Variants in FRMD4A observed in about 807,000 individuals in gnomAD.
FRMD4A encodes FERM domain containing 4A.
A neutral mutation model predicts 129.1 loss-of-function variants in FRMD4A; 29 were observed. The observed-to-expected ratio is 0.22, with a 90% CI of 0.17 to 0.31. The LOEUF (loss-of-function observed/expected upper bound fraction) is 0.31. Ranked by LOEUF, FRMD4A falls within the 10% of genes least tolerant of loss-of-function variation. FRMD4A has a pLI of 1.00. For missense variants in FRMD4A, 1,272 were observed against 1,375.8 expected, an observed-to-expected ratio of 0.92 and a Z score of 1.19; for synonymous variants, 634 against 571.6, an observed-to-expected ratio of 1.11 and a Z score of -1.56.
At chr10:13,666,911 CTTTTTTTT>C (rs10546068) in intron 17 of FRMD4A, among the ~76,000 whole-genome samples, 15 of 114,376 alleles carry the variant, frequency 1.3e-4, no homozygotes, top group Non-Finnish European at 2.4e-4. Flanking sequence ...CTTTTCTTTT[CTTTTTTTT>C]TTTTTTTTTT....
intron 2 of FRMD4A, among the ~76,000 whole-genome samples, chr10:14,170,623 T>G (rs1841425927): frequency 6.6e-6 from 1 of 152,186 alleles, no homozygotes; most frequent in African/African-American, 2.4e-5. Flanking sequence ...AAACTCAAAT[T>G]AGCACACGAA....
chr10:13,790,099 G>A (rs1324618857), intron 5 of FRMD4A, among the ~76,000 whole-genome samples: 1 of 152,010 alleles, frequency 6.6e-6, no homozygotes, highest in African/African-American at 2.4e-5. Flanking sequence ...ATAGGGAGCT[G>A]TTTAAGATGC....
At chr10:13,988,305 T>G (rs980777924) in intron 2 of FRMD4A, among the ~76,000 whole-genome samples, 1 of 152,222 alleles carries the variant, frequency 6.6e-6, no homozygotes, top group Non-Finnish European at 1.5e-5. Context: ...ATTCTCATAG[T>G]GGACTCTTCG....
At chr10:14,320,671 T>C (rs1344570338) in intron 2 of FRMD4A, among the ~76,000 whole-genome samples, 2 of 152,234 alleles carry the variant, frequency 1.3e-5, no homozygotes, top group East Asian at 3.9e-4. Context: ...TTTCAGTACT[T>C]CTTATTTCTC....
intron 2 of FRMD4A, among the ~76,000 whole-genome samples, chr10:14,284,023 T>C (rs764421062): frequency 6.6e-6 from 1 of 152,072 alleles, no homozygotes; most frequent in Non-Finnish European, 1.5e-5. Flanking sequence ...AAGTAAAGAG[T>C]TGGTGTCTCC....
chr10:13,737,419 C>T (rs2090700772), intron 12 of FRMD4A, among the ~76,000 whole-genome samples: 1 of 152,080 alleles, frequency 6.6e-6, no homozygotes, highest in African/African-American at 2.4e-5. Context: ...GCAATCTCTT[C>T]TTTCAGCTCT....
chr10:14,310,725 C>T (rs1228310186), intron 2 of FRMD4A, among the ~76,000 whole-genome samples: 2 of 152,084 alleles, frequency 1.3e-5, no homozygotes, highest in African/African-American at 4.8e-5. Flanking sequence ...TTTTTTGCGC[C>T]CTATGCAAAT....
chr10:13,769,524 G>C (rs1307832346), intron 6 of FRMD4A, among the ~76,000 whole-genome samples: 1 of 152,070 alleles, frequency 6.6e-6, no homozygotes. Context: ...TGCCCCGGGT[G>C]GTCTAGAACT....
intron 14 of FRMD4A, among the ~76,000 whole-genome samples, chr10:13,699,944 C>A (rs981393905): frequency 6.6e-6 from 1 of 152,206 alleles, no homozygotes; most frequent in African/African-American, 2.4e-5. Flanking sequence ...AACAGAAATT[C>A]TCTGTCCTGC....
chr10:13,693,695 T>C (rs1564625815), intron 15 of FRMD4A: 1 of 723,138 alleles, frequency 1.4e-6, no homozygotes, highest in Non-Finnish European at 2.4e-6. Flanking sequence ...CTTTTTTTTT[T>C]TTTTTTCCCT....
At chr10:13,925,202 G>A (rs183141510) in intron 2 of FRMD4A, among the ~76,000 whole-genome samples, 2 of 152,270 alleles carry the variant, frequency 1.3e-5, no homozygotes, top group Admixed American at 6.5e-5. Context: ...CACAGGGATG[G>A]TGGGGTTATC....
chr10:13,788,217 C>T (rs1461285648), intron 5 of FRMD4A, among the ~76,000 whole-genome samples: 1 of 152,162 alleles, frequency 6.6e-6, no homozygotes, highest in Non-Finnish European at 1.5e-5. Flanking sequence ...AGGGTCCACC[C>T]CTCCCACCAC....
chr10:14,197,473 G>C (rs898575873), intron 2 of FRMD4A, among the ~76,000 whole-genome samples: 3 of 152,102 alleles, frequency 2.0e-5, no homozygotes, highest in Admixed American at 6.6e-5. Context: ...CAATTCTCCT[G>C]CCTCAGCCTC....
rs150484806 is a variant in FRMD4A at position 14,039,135 on chromosome 10, A to G, written c.46-180223T>C. 4.8e-3 allele frequency among the ~76,000 whole-genome samples: 724 copies of G among 152,298 alleles called. 5 individuals are homozygous for G. Among genetic ancestry groups the G allele is most frequent in the African/African-American group, 0.016 (672 of 41,568 alleles). On this transcript the variant is annotated intron_variant, in intron 2 of 24. Coordinates refer to ENST00000357447, the MANE Select transcript of FRMD4A (RefSeq NM_018027.5). ...GTGATTTTTGTCATGTACTGCAAGC[A>G]TCGGGCTATTGATACTGTGGCTGAA...
intron 2 of FRMD4A, among the ~76,000 whole-genome samples, chr10:13,886,730 C>G (rs191321192): frequency 6.6e-6 from 1 of 152,272 alleles, no homozygotes; most frequent in South Asian, 2.1e-4. Flanking sequence ...CACAGGCACA[C>G]GCCACCATGC....
chr10:13,946,415 T>TA (rs1565091309), intron 2 of FRMD4A, among the ~76,000 whole-genome samples: 1 of 152,002 alleles, frequency 6.6e-6, no homozygotes, highest in African/African-American at 2.4e-5. Context: ...TTTCTCACCA[T>TA]AAAAAAAATT....
intron 2 of FRMD4A, among the ~76,000 whole-genome samples, chr10:14,068,101 AG>A (rs1835147332): frequency 6.6e-6 from 1 of 152,236 alleles, no homozygotes; most frequent in Non-Finnish European, 1.5e-5. Context: ...CATCTTTCAA[AG>A]TATAAATATT....
chr10:14,132,432 G>T (rs1037855036), intron 2 of FRMD4A, among the ~76,000 whole-genome samples: 8 of 152,204 alleles, frequency 5.3e-5, no homozygotes, highest in African/African-American at 1.9e-4. Flanking sequence ...GTGGAGAGGG[G>T]AGGCTGCCTG....
chr10:14,090,233 G>A lies in FRMD4A; in HGVS notation c.46-231321C>T, dbSNP rs550163041. On this transcript the variant is annotated intron_variant, in intron 2 of 24. Coordinates refer to ENST00000357447, the MANE Select transcript of FRMD4A (RefSeq NM_018027.5). ...GAGGGCTGCAGGCCGACCGCTGCAC[G>A]GGAGAGAATATACGTGGTATTCACA... Among the ~76,000 whole-genome samples, 109 of 152,314 alleles carry A rather than the reference G, an allele frequency of 7.2e-4. 2 individuals are homozygous for A. In the South Asian group the frequency reaches 7.9e-3, roughly 11 times the overall value.
Sources: allele counts gnomAD v4.1 joint callset (sites outside exome capture counted in the v4.1 genomes callset), GRCh38; gene constraint gnomAD v4.1.1; transcripts MANE v1.5; gene names NCBI Gene and HGNC (gene_info 2026-07-23, HGNC 2026-07-21).